Variants in ZFAT observed in about 807,000 individuals in gnomAD.
ZFAT encodes zinc finger and AT-hook domain containing, also known as zinc finger protein ZFAT.
A neutral mutation model predicts 117.7 loss-of-function variants in ZFAT; 64 were observed. That is an observed-to-expected ratio of 0.54 (90% confidence interval 0.44 to 0.67). The LOEUF (loss-of-function observed/expected upper bound fraction) is 0.67. Ranked by LOEUF, ZFAT falls within the 30% of genes least tolerant of loss-of-function variation. The pLI, the probability that ZFAT is intolerant of heterozygous loss-of-function variation, is 0.00. For synonymous variants in ZFAT, 679 were observed against 615.0 expected, an observed-to-expected ratio of 1.10 and a Z score of -1.54; for missense variants, 1,433 against 1,584.5, an observed-to-expected ratio of 0.90 and a Z score of 1.62.
chr8:134,593,894 T>C (rs1007107801), intron 7 of ZFAT, among the ~76,000 whole-genome samples: 1 of 152,210 alleles, frequency 6.6e-6, no homozygotes, highest in Non-Finnish European at 1.5e-5. Flanking sequence ...GGCGCTCGAA[T>C]GCTCATCAAG....
chr8:134,637,593 C>T lies in ZFAT; in HGVS notation c.316G>A (p.Glu106Lys). 6.2e-7 allele frequency: 1 copy of T among 1,614,226 alleles called. No homozygotes were observed. The highest frequency in any genetic ancestry group is 8.5e-7 in the Non-Finnish European group (1 of 1,180,042). The change falls in exon 3 of 16, where the codon GAG (glutamate) becomes AAG (lysine). Residue 106 changes from glutamate to lysine, a missense_variant. Physicochemically the swap from Glu to Lys is moderately conservative, Grantham distance 56. Coordinates refer to ENST00000377838, the MANE Select transcript of ZFAT (RefSeq NM_020863.4). ...SPTEDSPLAP[E>K]EGNSLPPSSL... ...CTTGGAGGCAGGCTGTTCCCTTCCT[C>T]CGGAGCCAGCGGGCTGTCCTCAGTC... is the stretch of plus-strand genomic sequence containing the variant.
the ZFAT span, among the ~76,000 whole-genome samples, chr8:134,802,097 G>A: frequency 2.0e-5 from 3 of 152,174 alleles, no homozygotes; most frequent in Non-Finnish European, 4.4e-5. Context: ...GAAAGCTAAA[G>A]CAAAGACAGC....
intron 15 of ZFAT, among the ~76,000 whole-genome samples, chr8:134,482,015 G>T (rs1324212895): frequency 6.6e-6 from 1 of 151,962 alleles, no homozygotes. Flanking sequence ...CTACCATCCG[G>T]CATGAGACGC....
chr8:134,735,051 T>A, the ZFAT span, among the ~76,000 whole-genome samples: 3,548 of 152,308 alleles, frequency 0.023, 74 homozygotes, highest in Non-Finnish European at 0.037. Flanking sequence ...TACTCTATGA[T>A]TTATTAGGGT....
chr8:134,735,829 T>G, the ZFAT span, among the ~76,000 whole-genome samples: 1 of 152,200 alleles, frequency 6.6e-6, no homozygotes, highest in South Asian at 2.1e-4. Context: ...CCCAGTAGGT[T>G]AAAATATATT....
intron 1 of ZFAT, among the ~76,000 whole-genome samples, chr8:134,677,003 T>C (rs111401996): frequency 6.6e-6 from 1 of 152,144 alleles, no homozygotes; most frequent in Non-Finnish European, 1.5e-5. Flanking sequence ...AGGAGAGATC[T>C]AAAATTGACA....
the ZFAT span, among the ~76,000 whole-genome samples, chr8:134,720,219 G>A: frequency 1.3e-5 from 2 of 152,228 alleles, no homozygotes; most frequent in Non-Finnish European, 2.9e-5. Context: ...ACCCTGCACT[G>A]TGCAAAAGAA....
At chr8:134,484,502 G>C (rs2130051174) in intron 15 of ZFAT, among the ~76,000 whole-genome samples, 1 of 152,262 alleles carries the variant, frequency 6.6e-6, no homozygotes, top group South Asian at 2.1e-4. Context: ...GTCTATGGAG[G>C]AGAGTCCCTT....
At chr8:134,762,513 CA>C in the ZFAT span, among the ~76,000 whole-genome samples, 1 of 152,194 alleles carries the variant, frequency 6.6e-6, no homozygotes, top group African/African-American at 2.4e-5. Context: ...CAGACACCAT[CA>C]TCTCCTGATT....
At chr8:134,588,893 G>A (rs530496750) in intron 8 of ZFAT, among the ~76,000 whole-genome samples, 5 of 152,322 alleles carry the variant, frequency 3.3e-5, no homozygotes, top group South Asian at 2.1e-4. Flanking sequence ...TTGCTTTACC[G>A]GTAACATGGT....
At chr8:134,788,177 T>C in the ZFAT span, among the ~76,000 whole-genome samples, 4 of 152,198 alleles carry the variant, frequency 2.6e-5, no homozygotes, top group African/African-American at 9.6e-5. Flanking sequence ...TGTCTTTTAT[T>C]ATTTCGTTGC....
chr8:134,486,323 C>G (rs1322375248), intron 15 of ZFAT, among the ~76,000 whole-genome samples: 1 of 151,814 alleles, frequency 6.6e-6, no homozygotes, highest in East Asian at 1.9e-4. Flanking sequence ...GCTGGGTGGT[C>G]TCTTTAGGAC....
Position 134,601,656 on chromosome 8 carries a change from A to T in ZFAT, c.2063T>A (p.Val688Glu). Residue 688 changes from valine to glutamate, a missense_variant, in exon 6 of 16, where the codon GTA becomes GAA. Around this residue, in one of 5 missense-constraint regions of ZFAT, gnomAD observed 372 missense variants for 355.6 expected, o/e 1.05. Coordinates refer to ENST00000377838, the MANE Select transcript of ZFAT (RefSeq NM_020863.4). The stretch of plus-strand genomic sequence containing the variant: ...TGTGATGGTGTCCCCACCACCAGCT[A>T]CTGGAGGGAGGAGGTCTGAGGCCTC... ...PAEASDLLPPVAGGGDTITHQ... is the reference protein window; with the variant it reads ...PAEASDLLPPEAGGGDTITHQ... 1 of 1,614,180 alleles carries T rather than the reference A, an allele frequency of 6.2e-7. No homozygotes were observed. Among genetic ancestry groups the T allele is most frequent in the Non-Finnish European group, 8.5e-7 (1 of 1,180,014 alleles).
chr8:134,753,396 A>T, the ZFAT span, among the ~76,000 whole-genome samples: 1 of 152,206 alleles, frequency 6.6e-6, no homozygotes, highest in South Asian at 2.1e-4. Flanking sequence ...ATTATAACTT[A>T]TGAATGACTA....
intron 9 of ZFAT, among the ~76,000 whole-genome samples, chr8:134,586,101 G>A (rs57721893): frequency 0.22 from 33,145 of 152,078 alleles, 4,072 homozygotes; most frequent in East Asian, 0.53. Context: ...TGTATGGTGT[G>A]TGTACTGATA....
rs1450161672 is a variant in ZFAT at position 134,478,587 on chromosome 8, A to G, written c.3627T>C (p.Thr1209=). The G allele has an allele frequency of 6.3e-7, 1 of 1,594,052 alleles. No individual in the cohort carries two copies. The highest frequency in any genetic ancestry group is 8.5e-7 in the Non-Finnish European group (1 of 1,170,672). ...SDDVEGIETV[T]VYTQGGEASE... ...AGGCCTCCCCGCCCTGCGTGTAGAC[A>G]GTCACCGTCTCAATGCCCTCCACGT... is the stretch of plus-strand genomic sequence containing the variant. The change falls in exon 16 of 16, where the codon ACT becomes ACC. Residue 1209 remains threonine (T), a synonymous_variant. Coordinates refer to ENST00000377838, the MANE Select transcript of ZFAT (RefSeq NM_020863.4). This position sits in a 1 kb window ranked among gnomAD's most constrained non-coding sequence, Gnocchi z 5.2.
chr8:134,711,842 A>G (rs1814011492), intron 1 of ZFAT, among the ~76,000 whole-genome samples: 1 of 152,144 alleles, frequency 6.6e-6, no homozygotes, highest in Non-Finnish European at 1.5e-5. Flanking sequence ...TAAAGTCAGG[A>G]AAGGTGTCCC....
chr8:134,609,249 TAAAGAA>T (rs765352309), intron 4 of ZFAT, among the ~76,000 whole-genome samples: 2 of 152,120 alleles, frequency 1.3e-5, no homozygotes, highest in Non-Finnish European at 2.9e-5. Context: ...CAAACTGCAT[TAAAGAA>T]AAAGATCCAA....
At chr8:134,661,246 G>C (rs1316675215) in intron 1 of ZFAT, among the ~76,000 whole-genome samples, 1 of 152,214 alleles carries the variant, frequency 6.6e-6, no homozygotes, top group Non-Finnish European at 1.5e-5. Flanking sequence ...GTGTCGTGGA[G>C]GCAGGAGGGA....
Sources: allele counts gnomAD v4.1 joint callset (sites outside exome capture counted in the v4.1 genomes callset), GRCh38; gene constraint gnomAD v4.1.1; regional missense constraint gnomAD v4.1.1; non-coding constraint Gnocchi (gnomAD v3.1); transcripts MANE v1.5; gene names NCBI Gene and HGNC (gene_info 2026-07-23, HGNC 2026-07-21).